The following BTAF1 variants were observed in gnomAD, a reference collection of about 807,000 sequenced individuals.
The protein encoded by BTAF1 is B-TFIID TATA-box binding protein associated factor 1, also known as TATA-binding protein-associated factor 172.
A neutral mutation model predicts 227.1 loss-of-function variants in BTAF1; 38 were observed. That is an observed-to-expected ratio of 0.17 (90% confidence interval 0.13 to 0.22). BTAF1 has a LOEUF of 0.22. Among genes scored for constraint, BTAF1 ranks in the 10% least tolerant of loss-of-function variants. BTAF1 has a pLI of 1.00. For missense variants in BTAF1, 1,598 were observed against 2,204.0 expected (o/e 0.73, Z 5.51); for synonymous variants, 742 against 751.9 (o/e 0.99, Z 0.21).
At chr10:91,990,395 A>AC (rs1782792569) in intron 20 of BTAF1, among the ~76,000 whole-genome samples, 1 of 151,564 alleles carries the variant, frequency 6.6e-6, no homozygotes, top group Non-Finnish European at 1.5e-5. Context: ...TTTTGCAGTG[A>AC]CCAATTTTTT....
In BTAF1 at chr10:91,982,632, T is replaced by C; in HGVS notation, c.2094T>C (p.Asn698=). The C allele has an allele frequency of 3.7e-6, 6 of 1,613,890 alleles. No individual in the cohort carries two copies. The highest frequency in any genetic ancestry group is 5.1e-6 in the Non-Finnish European group (6 of 1,179,878). ...GCTGTATTTGTGATCCAGGTGTAAA[T>C]GTGGTAACTCAAGAAATTAAACCAG... ...LCCCICDPGV[N]VVTQEIKPAE... The change falls in exon 18 of 38, where the codon AAT becomes AAC. Residue 698 remains asparagine, a synonymous_variant. Transcript: ENST00000265990.
chr10:91,971,252 A>G (rs1474274735), intron 14 of BTAF1, among the ~76,000 whole-genome samples: 2 of 152,134 alleles, frequency 1.3e-5, no homozygotes, highest in Non-Finnish European at 2.9e-5. Flanking sequence ...CTTTACTGAA[A>G]GAGATGCTGT....
At position 92,029,208 on chromosome 10, in the gene BTAF1, G is replaced by C. The variant is rs1279133900; in HGVS notation, c.*275G>C. ...CAAACCAGGTTTATTTGTGCTACCA[G>C]GAGGTGTTCTTAATGGGAACAGGCC... On this transcript the variant is annotated 3_prime_UTR_variant, in exon 38 of 38. Transcript: ENST00000265990. 1 of 261,172 alleles carries C rather than the reference G, an allele frequency of 3.8e-6. No homozygotes were observed. The highest frequency in any genetic ancestry group is 2.3e-5 in the African/African-American group (1 of 44,398). The allele number at this position is 261,172 out of a possible 1,614,324, so 16.2% of individuals were successfully genotyped here.
chr10:91,976,008 C>T (rs1426473060), intron 14 of BTAF1, among the ~76,000 whole-genome samples: 1 of 152,182 alleles, frequency 6.6e-6, no homozygotes, highest in Non-Finnish European at 1.5e-5. Context: ...TTAGAGAGCT[C>T]AGTCGCACAA....
chr10:92,003,420 C>T (rs995818159), intron 25 of BTAF1, among the ~76,000 whole-genome samples: 4 of 152,188 alleles, frequency 2.6e-5, no homozygotes, highest in East Asian at 1.9e-4. Flanking sequence ...CTTCCACGCA[C>T]TAAGCACCTA....
Position 91,993,646 on chromosome 10 carries a change from T to C in BTAF1, c.3046-48T>C, listed in dbSNP as rs566397627. The stretch of plus-strand genomic sequence containing the variant: ...TTCTTTTGTTAAAATTTTAAATGTA[T>C]TATGATTTTTTCTGAAATTCTGTTT... On this transcript the variant is annotated intron_variant, in intron 21 of 37. Coordinates refer to ENST00000265990, the MANE Select transcript of BTAF1 (RefSeq NM_003972.3). 3.2e-5 allele frequency: 43 copies of C among 1,323,732 alleles called. No individual in the cohort carries two copies. In the South Asian group the frequency reaches 9.0e-4, roughly 28 times the overall value. The allele number at this position is 1,323,732 out of a possible 1,614,324, so 82.0% of individuals were successfully genotyped here.
chr10:91,981,923 ATT>A, intron 16 of BTAF1, 131 bp downstream of exon 16: 2 of 1,353,372 alleles, frequency 1.5e-6, no homozygotes. Context: ...CCGTTATTTT[ATT>A]AGGACCCTGA....
intron 4 of BTAF1, among the ~76,000 whole-genome samples, chr10:91,950,228 G>T (rs1845677587): frequency 6.6e-6 from 1 of 151,552 alleles, no homozygotes. Context: ...TCTATCTTCA[G>T]GCTAAAAGCT....
intron 2 of BTAF1, among the ~76,000 whole-genome samples, chr10:91,937,340 G>T (rs181203882): frequency 6.6e-6 from 1 of 152,034 alleles, no homozygotes; most frequent in Non-Finnish European, 1.5e-5. Flanking sequence ...TACATACCAT[G>T]AGTTTCAATT....
intron 4 of BTAF1, among the ~76,000 whole-genome samples, chr10:91,946,126 A>G (rs1013554265): frequency 1.1e-4 from 16 of 152,150 alleles, no homozygotes; most frequent in African/African-American, 3.9e-4. Context: ...CTGGGAGGCA[A>G]AGGCGGGTGA....
chr10:91,937,142 G>A (rs759764634), intron 2 of BTAF1, among the ~76,000 whole-genome samples: 2 of 151,614 alleles, frequency 1.3e-5, no homozygotes, highest in Non-Finnish European at 2.9e-5. Flanking sequence ...CTACAGGCGT[G>A]CACCACCATG....
Position 91,942,454 on chromosome 10 carries a change from C to G in BTAF1, c.286C>G (p.Pro96Ala), listed in dbSNP as rs1219715994. ...PTSESSMEDS[P>A]TTERLNFDRF... ...TTCCGAAAGTTCTATGGAAGATTCA[C>G]CTACTACAGAGCGATTGAATTTTGA... The change falls in exon 4 of 38, where the codon CCT becomes GCT. Residue 96 changes from proline (P) to alanine (A), a missense_variant. Pro to Ala is a conservative substitution (Grantham distance 27, BLOSUM62 -1). This residue lies in a region of BTAF1 where 298 missense variants were observed against 395.2 expected (regional missense o/e 0.75). Coordinates refer to ENST00000265990, the MANE Select transcript of BTAF1 (RefSeq NM_003972.3). 2.5e-6 allele frequency: 4 copies of G among 1,613,710 alleles called. No individual in the cohort carries two copies. The Admixed American group carries it at 6.7e-5, about 27-fold the overall frequency.
At chr10:91,997,178 A>G (rs756643006) in intron 24 of BTAF1, 195 of 1,278,932 alleles carry the variant, frequency 1.5e-4, no homozygotes, top group Non-Finnish European at 1.8e-4. Flanking sequence ...TACTAGGCTC[A>G]CTATATCCTG....
At chr10:91,953,998 T>TA (rs1845929313) in intron 6 of BTAF1, 125 bp downstream of exon 6, 8 of 1,324,744 alleles carry the variant, frequency 6.0e-6, no homozygotes, top group South Asian at 4.3e-5. Context: ...TGGATTCTCT[T>TA]ACTCAATTGT....
chr10:91,958,604 G>A (rs1482066025), intron 8 of BTAF1, among the ~76,000 whole-genome samples: 1 of 152,116 alleles, frequency 6.6e-6, no homozygotes, highest in African/African-American at 2.4e-5. Context: ...TGGGGGGCTT[G>A]AGGCAGGAGA....
At chr10:92,024,397 C>T (rs1323737071) in intron 34 of BTAF1, among the ~76,000 whole-genome samples, 1 of 152,080 alleles carries the variant, frequency 6.6e-6, no homozygotes, top group Non-Finnish European at 1.5e-5. Context: ...ATTAGATAAA[C>T]TTCTGGGCCG....
chr10:91,977,277 AG>A (rs961900454), intron 14 of BTAF1, among the ~76,000 whole-genome samples: 2 of 152,172 alleles, frequency 1.3e-5, no homozygotes, highest in African/African-American at 4.8e-5. Context: ...GGCAGATCAG[AG>A]GAAGAAACGC....
At chr10:91,978,567 T>G (rs1368022040) in intron 14 of BTAF1, among the ~76,000 whole-genome samples, 5 of 152,270 alleles carry the variant, frequency 3.3e-5, no homozygotes, top group South Asian at 4.1e-4. Context: ...AACTTAAACA[T>G]TTATTATCCC....
rs1382142286 is a variant in BTAF1 at position 91,991,791 on chromosome 10, GTGTGTGTATATA to G, written c.2855-326_2855-315del. ...ATTATATATATGTGTGTGTGTGTGT[GTGTGTGTATATA>G]TATATATATATATATATATATATAT... On this transcript the variant is annotated intron_variant, in intron 20 of 37. Coordinates refer to ENST00000265990, the MANE Select transcript of BTAF1 (RefSeq NM_003972.3). Among the ~76,000 whole-genome samples, 596 of 68,410 alleles carry G rather than the reference GTGTGTGTATATA, an allele frequency of 8.7e-3. 1 individual carries two copies. Among genetic ancestry groups the G allele is most frequent in the Middle Eastern group, 0.026 (3 of 116 alleles). 44.9% of individuals were successfully genotyped at this position (68,410 alleles called of 152,430 possible).
Sources: gnomAD v4.1 joint callset for allele counts (sites outside exome capture counted in the v4.1 genomes callset) on GRCh38, gnomAD v4.1.1 for gene constraint, gnomAD v4.1.1 regional missense constraint, MANE v1.5 for transcripts, NCBI Gene and HGNC (gene_info 2026-07-23, HGNC 2026-07-21) for gene names.